MTMR14: variants seen among roughly 807,000 people sequenced by gnomAD.
The protein encoded by MTMR14 is phosphatidylinositol-3,5-bisphosphate 3-phosphatase MTMR14.
MTMR14 carries 48 observed loss-of-function variants against 86.3 expected under a neutral mutation model. The observed-to-expected ratio is 0.56, with a 90% CI of 0.44 to 0.71. The LOEUF (loss-of-function observed/expected upper bound fraction) is 0.71, where lower values mean the gene tolerates loss of function less well. MTMR14 is among the 30% of genes least tolerant of loss of function. The pLI is 0.00. For missense variants in MTMR14, 780 were observed against 834.6 expected, an observed-to-expected ratio of 0.93 and a Z score of 0.81; for synonymous variants, 366 against 326.1, an observed-to-expected ratio of 1.12 and a Z score of -1.32.
intron 3 of MTMR14, among the ~76,000 whole-genome samples, chr3:9,668,377 A>G (rs981289491): frequency 6.6e-6 from 1 of 152,196 alleles, no homozygotes; most frequent in Non-Finnish European, 1.5e-5. Flanking sequence ...CACCTGCCAC[A>G]TATCCCTCAT....
At chr3:9,698,143 T>C (rs2076341173) in intron 18 of MTMR14, among the ~76,000 whole-genome samples, 1 of 152,254 alleles carries the variant, frequency 6.6e-6, no homozygotes, top group African/African-American at 2.4e-5. Context: ...CTATAGAAGA[T>C]TCTATTTCTG....
At chr3:9,697,974 G>A in intron 18 of MTMR14, 108 bp downstream of exon 18, 1 of 1,480,814 alleles carries the variant, frequency 6.8e-7, no homozygotes, top group Middle Eastern at 1.9e-4. Flanking sequence ...GAGCTGGCCT[G>A]GCCTCCTGCC....
At chr3:9,655,417 A>T (rs2047538869) in intron 2 of MTMR14, among the ~76,000 whole-genome samples, 1 of 151,388 alleles carries the variant, frequency 6.6e-6, no homozygotes, top group Non-Finnish European at 1.5e-5. Flanking sequence ...GGCCTTCTGG[A>T]ATCAGAATTT....
chr3:9,689,621 G>A (rs1251554549), intron 16 of MTMR14, among the ~76,000 whole-genome samples: 1 of 152,198 alleles, frequency 6.6e-6, no homozygotes, highest in African/African-American at 2.4e-5. Flanking sequence ...TTGAGCCCAG[G>A]AGTTTGAGAT....
chr3:9,653,871 C>T (rs1471364468), intron 2 of MTMR14, 102 bp downstream of exon 2: 3 of 1,488,966 alleles, frequency 2.0e-6, no homozygotes, highest in Non-Finnish European at 2.8e-6. Context: ...TCACTTTCCC[C>T]AGGTGTTAAT....
intron 1 of MTMR14, among the ~76,000 whole-genome samples, chr3:9,652,862 A>T (rs2047382420): frequency 6.6e-6 from 1 of 151,406 alleles, no homozygotes; most frequent in African/African-American, 2.4e-5. Context: ...TGCTCACTTG[A>T]ACCCAGGAGG....
At chr3:9,687,675 A>G in intron 13 of MTMR14, 146 bp from the exon 14 acceptor site, 1 of 708,796 alleles carries the variant, frequency 1.4e-6, no homozygotes, top group Non-Finnish European at 2.5e-6. Flanking sequence ...TACCACCCAC[A>G]CCATTTATGG....
At chr3:9,670,430 G>A (rs375071445) in intron 5 of MTMR14, among the ~76,000 whole-genome samples, 1 of 152,194 alleles carries the variant, frequency 6.6e-6, no homozygotes, top group Non-Finnish European at 1.5e-5. Flanking sequence ...AAGTAATGGC[G>A]ACTGTTTATG....
intron 9 of MTMR14, among the ~76,000 whole-genome samples, chr3:9,679,140 C>A (rs578004073): frequency 6.6e-6 from 1 of 152,294 alleles, no homozygotes; most frequent in Admixed American, 6.5e-5. Flanking sequence ...TATATCCAGA[C>A]CCTAATCACA....
intron 18 of MTMR14, among the ~76,000 whole-genome samples, chr3:9,699,216 T>C (rs1206241863): frequency 2.0e-5 from 3 of 150,526 alleles, no homozygotes; most frequent in African/African-American, 4.9e-5. Flanking sequence ...GACTTCCTAC[T>C]CCAGCCCCAT....
chr3:9,656,587 A>G (rs1304516505), intron 2 of MTMR14, among the ~76,000 whole-genome samples: 5 of 151,804 alleles, frequency 3.3e-5, no homozygotes, highest in African/African-American at 1.2e-4. Context: ...ACACCTGGCT[A>G]GTTCTTGAAT....
chr3:9,688,755 G>C lies in MTMR14; in HGVS notation c.1294+1G>C. 6 of 1,614,180 alleles carry C rather than the reference G, an allele frequency of 3.7e-6. No homozygotes were observed. Among genetic ancestry groups the C allele is most frequent in the Non-Finnish European group, 5.1e-6 (6 of 1,180,024 alleles). ...ACCCTGGAAGACATCTGCATGCTGA[G>C]TGAGTCCTGGGCCCCAACAGACTTC... On this transcript the variant is annotated splice_donor_variant, in intron 15 of 18. Coordinates refer to ENST00000296003, the MANE Select transcript of MTMR14 (RefSeq NM_001077525.3). LOFTEE classifies it high-confidence loss of function.
At chr3:9,685,853 A>G (rs546808631) in intron 13 of MTMR14, among the ~76,000 whole-genome samples, 37 of 152,148 alleles carry the variant, frequency 2.4e-4, no homozygotes, top group Non-Finnish European at 4.6e-4. Flanking sequence ...TTTCCTTGCA[A>G]TGCAGGTCTG....
intron 17 of MTMR14, among the ~76,000 whole-genome samples, chr3:9,691,513 C>T (rs1347522272): frequency 1.3e-5 from 2 of 152,234 alleles, no homozygotes; most frequent in African/African-American, 4.8e-5. Flanking sequence ...TGCTGAACAA[C>T]TAGGGAGGAA....
intron 3 of MTMR14, among the ~76,000 whole-genome samples, chr3:9,663,294 C>T (rs2048044382): frequency 6.6e-6 from 1 of 151,812 alleles, no homozygotes; most frequent in Non-Finnish European, 1.5e-5. Context: ...GTCTCAGTCC[C>T]TGGTGTGCCT....
At chr3:9,653,157 C>A (rs2047400999) in intron 1 of MTMR14, among the ~76,000 whole-genome samples, 1 of 152,222 alleles carries the variant, frequency 6.6e-6, no homozygotes, top group Non-Finnish European at 1.5e-5. Context: ...ATCGCTTGAA[C>A]CCCGGACGCG....
At chr3:9,668,656 G>GTTCC (rs1574979498) in intron 3 of MTMR14, 63 bp from the exon 4 acceptor site, 2 of 1,565,224 alleles carry the variant, frequency 1.3e-6, no homozygotes, top group East Asian at 2.2e-5. Flanking sequence ...AGTCCCACAT[G>GTTCC]TTCCTTCAAC....
rs1161847836 is a variant in MTMR14, at chr3:9,667,417, TA to T, written c.418-1300del. Among the ~76,000 whole-genome samples, 3 of 152,302 alleles carry T rather than the reference TA, an allele frequency of 2.0e-5. No individual in the cohort carries two copies. The East Asian group carries it at 5.8e-4, about 29-fold the overall frequency. On this transcript the variant is annotated intron_variant, in intron 3 of 18. Coordinates refer to ENST00000296003, the MANE Select transcript of MTMR14 (RefSeq NM_001077525.3). ...GAGAGTCCAGAAATCCCTGGAAATGTAAGTAGATTATGATGTGTACATATTT... is the reference window on the plus strand; with the variant it reads ...GAGAGTCCAGAAATCCCTGGAAATGTAGTAGATTATGATGTGTACATATTT...
chr3:9,672,723 A>G lies in MTMR14; in HGVS notation c.716A>G (p.Tyr239Cys). 3 of 1,614,160 alleles carry G rather than the reference A, an allele frequency of 1.9e-6. No homozygotes were observed. The highest frequency in any genetic ancestry group is 4.5e-5 in the East Asian group (2 of 44,892). ...SSEKVDKAQRYADFTLLSIPY... is the reference protein window; with the variant it reads ...SSEKVDKAQRCADFTLLSIPY... ...GAGAAGGTGGACAAAGCCCAGCGCT[A>G]TGCCGACTTCACTCTCCTCTCCATC... The change falls in exon 7 of 19, where the codon TAT (tyrosine) becomes TGT (cysteine). Residue 239 changes from tyrosine (Y) to cysteine (C), a missense_variant. By Grantham distance (194) the Tyr-to-Cys change is radical. Coordinates refer to ENST00000296003, the MANE Select transcript of MTMR14 (RefSeq NM_001077525.3).
Sources: gnomAD v4.1 joint callset for allele counts (sites outside exome capture counted in the v4.1 genomes callset) on GRCh38, gnomAD v4.1.1 for gene constraint, MANE v1.5 for transcripts, NCBI Gene and HGNC (gene_info 2026-07-23, HGNC 2026-07-21) for gene names.